Variants in RALYL observed in about 807,000 individuals in gnomAD.
The protein encoded by RALYL is RALY RNA binding protein like, also known as RNA-binding Raly-like protein.
In RALYL, 29 loss-of-function variants were observed where a neutral mutation model predicts 35.1. The ratio of observed to expected loss-of-function variants is 0.83; its 90% CI spans 0.61 to 1.13. RALYL has a LOEUF of 1.13. Among genes scored for constraint, RALYL ranks in the 50% most tolerant of loss-of-function variants. The pLI, the probability that RALYL is intolerant of heterozygous loss-of-function variation, is 0.00. For synonymous variants in RALYL, 120 were observed against 127.6 expected, an observed-to-expected ratio of 0.94 and a Z score of 0.40; for missense variants, 359 against 360.4, an observed-to-expected ratio of 1.00 and a Z score of 0.03.
At chr8:84,571,770 A>T (rs184773750) in intron 2 of RALYL, among the ~76,000 whole-genome samples, 12 of 151,874 alleles carry the variant, frequency 7.9e-5, no homozygotes, top group African/African-American at 2.7e-4. Context: ...TTCTCTTAGT[A>T]GCCCTTTTGT....
At chr8:84,487,016 G>A (rs1268461626) in intron 1 of RALYL, among the ~76,000 whole-genome samples, 1 of 151,982 alleles carries the variant, frequency 6.6e-6, no homozygotes, top group Admixed American at 6.6e-5. Context: ...ACCACCACAG[G>A]CACTGGATTT....
intron 2 of RALYL, among the ~76,000 whole-genome samples, chr8:84,577,386 A>G (rs1564176397): frequency 6.6e-6 from 1 of 152,196 alleles, no homozygotes; most frequent in Non-Finnish European, 1.5e-5. Context: ...AGAGTGACAG[A>G]CGAATGGTGG....
intron 1 of RALYL, among the ~76,000 whole-genome samples, chr8:84,286,183 C>A (rs1837564317): frequency 6.6e-6 from 1 of 152,128 alleles, no homozygotes; most frequent in Non-Finnish European, 1.5e-5. Flanking sequence ...CCGCCTCGGC[C>A]TCCCAAAGTG....
intron 1 of RALYL, among the ~76,000 whole-genome samples, chr8:84,498,116 C>A (rs972931276): frequency 6.6e-6 from 1 of 151,946 alleles, no homozygotes; most frequent in Non-Finnish European, 1.5e-5. Flanking sequence ...AAATTCGATT[C>A]CTTTTTGCTG....
intron 1 of RALYL, among the ~76,000 whole-genome samples, chr8:84,472,469 A>G (rs1180115644): frequency 2.6e-5 from 4 of 152,198 alleles, no homozygotes; most frequent in Non-Finnish European, 4.4e-5. Flanking sequence ...AAAATTCTAG[A>G]GAAAAAGAAC....
At chr8:84,386,900 T>C (rs1271808728) in intron 1 of RALYL, among the ~76,000 whole-genome samples, 1 of 151,826 alleles carries the variant, frequency 6.6e-6, no homozygotes, top group East Asian at 1.9e-4. Flanking sequence ...CTGACACCTA[T>C]TTGTTGGGCC....
At chr8:84,759,943 C>T (rs1375721825) in intron 2 of RALYL, among the ~76,000 whole-genome samples, 2 of 152,120 alleles carry the variant, frequency 1.3e-5, no homozygotes, top group Non-Finnish European at 2.9e-5. Context: ...TCAGCCCTTT[C>T]AGGCAGGTAC....
chr8:84,537,734 A>T (rs1237878870), intron 2 of RALYL, among the ~76,000 whole-genome samples: 1 of 152,194 alleles, frequency 6.6e-6, no homozygotes, highest in African/African-American at 2.4e-5. Context: ...TTAAAAAATT[A>T]TCTTTCCAGC....
At chr8:84,830,556 C>A in intron 4 of RALYL, among the ~76,000 whole-genome samples, 1 of 152,006 alleles carries the variant, frequency 6.6e-6, no homozygotes, top group South Asian at 2.1e-4. Context: ...ATTATAAGTG[C>A]CAAGTAAACA....
chr8:84,736,367 G>A (rs1847311516), intron 2 of RALYL, among the ~76,000 whole-genome samples: 1 of 151,970 alleles, frequency 6.6e-6, no homozygotes, highest in African/African-American at 2.4e-5. Context: ...GTATAATTTG[G>A]GGGATGACTG....
At chr8:84,484,691 A>C (rs1262755078) in intron 1 of RALYL, among the ~76,000 whole-genome samples, 1 of 152,200 alleles carries the variant, frequency 6.6e-6, no homozygotes, top group Non-Finnish European at 1.5e-5. Context: ...TTTTTACAAC[A>C]GTTAAACTCC....
At chr8:84,860,230 G>A (rs2042764) in intron 5 of RALYL, among the ~76,000 whole-genome samples, 6,698 of 152,252 alleles carry the variant, frequency 0.044, 494 homozygotes, top group African/African-American at 0.15. Flanking sequence ...TTACATCATT[G>A]TATATTTTGA....
chr8:84,635,093 G>C (rs2131295482), intron 2 of RALYL, among the ~76,000 whole-genome samples: 1 of 151,880 alleles, frequency 6.6e-6, no homozygotes, highest in African/African-American at 2.4e-5. Flanking sequence ...TGATTGCTGA[G>C]GGTGATGAGG....
At chr8:84,495,358 C>T (rs1255763902) in intron 1 of RALYL, among the ~76,000 whole-genome samples, 1 of 151,892 alleles carries the variant, frequency 6.6e-6, no homozygotes, top group Admixed American at 6.6e-5. Context: ...TGTCAGAGGG[C>T]GTAAAATACT....
chr8:84,499,381 T>C (rs1368438114), intron 1 of RALYL, among the ~76,000 whole-genome samples: 1 of 152,224 alleles, frequency 6.6e-6, no homozygotes, highest in Non-Finnish European at 1.5e-5. Context: ...AGTTAGTGCC[T>C]TGTGAAGTTT....
Position 84,678,232 on chromosome 8 carries a change from C to A in RALYL, c.257-96347C>A, listed in dbSNP as rs533518132. ...CTTCCTATAAAAATGACCTCCTTTG[C>A]CCTGCAAGTATAGTTTTTTTGTTGT... On this transcript the variant is annotated intron_variant, in intron 2 of 8. Transcript: ENST00000521268. Among the ~76,000 whole-genome samples the A allele has an allele frequency of 5.9e-5, 9 of 152,010 alleles. No individual in the cohort carries two copies. In the South Asian group the frequency reaches 1.7e-3, roughly 28 times the overall value.
intron 1 of RALYL, among the ~76,000 whole-genome samples, chr8:84,208,864 C>T (rs10504798): frequency 6.6e-6 from 1 of 151,806 alleles, no homozygotes; most frequent in East Asian, 1.9e-4. Context: ...ATATAAGAGA[C>T]TTCTTTAACT....
intron 2 of RALYL, among the ~76,000 whole-genome samples, chr8:84,625,201 T>C (rs909081845): frequency 1.3e-5 from 2 of 152,224 alleles, no homozygotes; most frequent in Non-Finnish European, 2.9e-5. Flanking sequence ...TGGTACCTTA[T>C]GAAACAATCT....
intron 1 of RALYL, among the ~76,000 whole-genome samples, chr8:84,190,022 G>A (rs867330967): frequency 2.0e-5 from 3 of 152,152 alleles, no homozygotes; most frequent in Admixed American, 6.5e-5. Context: ...CAGAAGAGAC[G>A]GTTCTCTGTC....
Sources: gnomAD v4.1 joint callset for allele counts (sites outside exome capture counted in the v4.1 genomes callset) on GRCh38, gnomAD v4.1.1 for gene constraint, MANE v1.5 for transcripts, NCBI Gene and HGNC (gene_info 2026-07-23, HGNC 2026-07-21) for gene names.